PAPPA2: variants seen among roughly 807,000 people sequenced by gnomAD.
The protein encoded by PAPPA2 is pappalysin 2.
In PAPPA2, 86 loss-of-function variants were observed where a neutral mutation model predicts 176.4. That is an observed-to-expected ratio of 0.49 (90% CI 0.41 to 0.58). The LOEUF is 0.58. Ranked by LOEUF, PAPPA2 falls within the 20% of genes least tolerant of loss-of-function variation. PAPPA2 has a pLI of 0.00. For synonymous variants in PAPPA2, 809 were observed against 852.2 expected (o/e 0.95, Z 0.88); for missense variants, 2,073 against 2,256.9 (o/e 0.92, Z 1.65).
At chr1:176,740,307 T>C (rs754939781) in intron 14 of PAPPA2, 111 bp downstream of exon 14, 1 of 1,108,998 alleles carries the variant, frequency 9.0e-7, no homozygotes, top group South Asian at 1.6e-5. Context: ...AACTGAAAAA[T>C]GAATTTAGGA....
In PAPPA2 at chr1:176,507,700, A is replaced by G. The variant is rs187535716; in HGVS notation, c.-917+44282A>G. Among the ~76,000 whole-genome samples the G allele has an allele frequency of 5.9e-5, 9 of 152,004 alleles. No individual in the cohort carries two copies. The East Asian group carries it at 1.6e-3, about 26-fold the overall frequency. ...ATGCAGGAATAGAAAGCTAAATACC[A>G]TAGGTTCTCACTTATAAGTGGAAGC... On this transcript the variant is annotated intron_variant, in intron 1 of 22. Transcript: ENST00000367662.
intron 21 of PAPPA2, among the ~76,000 whole-genome samples, chr1:176,821,565 CTTTAT>C (rs1666668012): frequency 6.6e-6 from 1 of 152,222 alleles, no homozygotes. Context: ...TTCAAGTTTA[CTTTAT>C]ATGTCTCTCC....
At chr1:176,464,013 A>G (rs548879330) in intron 1 of PAPPA2, among the ~76,000 whole-genome samples, 15 of 152,332 alleles carry the variant, frequency 9.8e-5, no homozygotes, top group Non-Finnish European at 2.1e-4. Flanking sequence ...TGAGCCAAAT[A>G]TCTTATTGGA....
intron 15 of PAPPA2, among the ~76,000 whole-genome samples, chr1:176,769,336 G>A (rs543761403): frequency 1.3e-5 from 2 of 152,164 alleles, no homozygotes; most frequent in Non-Finnish European, 2.9e-5. Flanking sequence ...AGGTCTGGAG[G>A]AGCAACTGGA....
rs537940127 is a variant in PAPPA2 at position 176,674,405 on chromosome 1, G to T, written c.2137+3290G>T. Among the ~76,000 whole-genome samples, 7 of 152,094 alleles carry T rather than the reference G, an allele frequency of 4.6e-5. No homozygotes were observed. The East Asian group carries it at 1.4e-3, about 30-fold the overall frequency. ...ACCAGTGTATAGTCTTTTATCCCTT[G>T]CCCTGCTCCCACACTTCCTCCTGAG... On this transcript the variant is annotated intron_variant, in intron 4 of 22. Transcript: ENST00000367662.
chr1:176,486,437 AG>A (rs1223109746), intron 1 of PAPPA2, among the ~76,000 whole-genome samples: 1 of 152,234 alleles, frequency 6.6e-6, no homozygotes, highest in African/African-American at 2.4e-5. Context: ...ATGCTTAGAC[AG>A]GTACAGACAT....
chr1:176,621,244 T>A (rs929424098), intron 3 of PAPPA2, among the ~76,000 whole-genome samples: 1 of 152,230 alleles, frequency 6.6e-6, no homozygotes, highest in African/African-American at 2.4e-5. Flanking sequence ...TTCTGAGATG[T>A]TCGCAGACTA....
intron 1 of PAPPA2, among the ~76,000 whole-genome samples, chr1:176,505,924 T>A (rs572756144): frequency 2.2e-4 from 33 of 152,224 alleles, no homozygotes; most frequent in African/African-American, 7.9e-4. Flanking sequence ...ACTGAAGGGT[T>A]CCCAGAGCTC....
intron 14 of PAPPA2, among the ~76,000 whole-genome samples, chr1:176,760,856 C>G (rs1296352346): frequency 6.6e-6 from 1 of 152,102 alleles, no homozygotes; most frequent in East Asian, 1.9e-4. Flanking sequence ...GAGTCTTGCT[C>G]TGTCACCCAG....
At chr1:176,588,695 A>G (rs904810460) in intron 2 of PAPPA2, among the ~76,000 whole-genome samples, 3 of 152,092 alleles carry the variant, frequency 2.0e-5, no homozygotes, top group Non-Finnish European at 4.4e-5. Flanking sequence ...TCTTAGGTGG[A>G]GGGAGGGATG....
intron 17 of PAPPA2, 130 bp from the exon 18 acceptor site, chr1:176,789,679 G>A (rs1665088703): frequency 1.1e-6 from 1 of 933,958 alleles, no homozygotes; most frequent in Non-Finnish European, 1.6e-6. Flanking sequence ...AGGACAGTGG[G>A]ACATATGGCT....
At chr1:176,581,657 G>A (rs1194028584) in intron 2 of PAPPA2, among the ~76,000 whole-genome samples, 1 of 151,920 alleles carries the variant, frequency 6.6e-6, no homozygotes. Context: ...AGTTTTCCTT[G>A]TAGAGATCTT....
intron 3 of PAPPA2, among the ~76,000 whole-genome samples, chr1:176,656,855 TTC>T (rs558218577): frequency 8.1e-4 from 123 of 151,784 alleles, no homozygotes; most frequent in Middle Eastern, 3.4e-3. Flanking sequence ...ACTCTAGACT[TTC>T]TGTTTTTTTT....
At chr1:176,695,620 A>C in intron 6 of PAPPA2, 118 bp from the exon 7 acceptor site, 1 of 1,154,620 alleles carries the variant, frequency 8.7e-7, no homozygotes. Context: ...GTTACTCTCT[A>C]GGTCCTTACT....
At chr1:176,578,929 C>T (rs901654472) in intron 2 of PAPPA2, among the ~76,000 whole-genome samples, 9 of 152,146 alleles carry the variant, frequency 5.9e-5, no homozygotes, top group African/African-American at 2.2e-4. Context: ...ACACCAAGGA[C>T]AGGTGGATTT....
At chr1:176,731,898 G>T (rs890875937) in intron 12 of PAPPA2, among the ~76,000 whole-genome samples, 8 of 151,592 alleles carry the variant, frequency 5.3e-5, no homozygotes, top group Admixed American at 1.3e-4. Context: ...CTTTAGTATG[G>T]GTATCTCCAT....
At chr1:176,794,118 G>T (rs948526523) in intron 20 of PAPPA2, among the ~76,000 whole-genome samples, 1 of 152,130 alleles carries the variant, frequency 6.6e-6, no homozygotes, top group Admixed American at 6.5e-5. Context: ...TGCTCTGGGG[G>T]TTCTGCTTTG....
At chr1:176,609,369 C>G (rs1654781258) in intron 3 of PAPPA2, among the ~76,000 whole-genome samples, 1 of 152,072 alleles carries the variant, frequency 6.6e-6, no homozygotes, top group Admixed American at 6.6e-5. Context: ...AGCTTACAGT[C>G]TATGAACTGT....
chr1:176,600,905 G>A lies in PAPPA2; in HGVS notation c.1991+5310G>A, dbSNP rs142541109. Among the ~76,000 whole-genome samples the A allele has an allele frequency of 3.0e-3, 459 of 152,232 alleles. 3 individuals carry two copies. The highest frequency in any genetic ancestry group is 0.017 in the Middle Eastern group (5 of 294). On this transcript the variant is annotated intron_variant, in intron 3 of 22. Transcript: ENST00000367662. ...AGATCACTAACATTCGAATGCAAGG[G>A]TTGATGTATGAACAACTCTCCTCAC...
Sources: allele counts gnomAD v4.1 joint callset (sites outside exome capture counted in the v4.1 genomes callset), GRCh38; gene constraint gnomAD v4.1.1; transcripts MANE v1.5; gene names NCBI Gene and HGNC (gene_info 2026-07-23, HGNC 2026-07-21).